The following PTPRG variants were observed in gnomAD, a reference collection of about 807,000 sequenced individuals.
PTPRG encodes the protein receptor-type tyrosine-protein phosphatase gamma.
Under a neutral mutation model 165.3 loss-of-function variants are expected in PTPRG, and 102 were observed. The ratio of observed to expected loss-of-function variants is 0.62; its 90% CI spans 0.53 to 0.73. PTPRG has a LOEUF of 0.73. Ranked by LOEUF, PTPRG falls within the 30% of genes least tolerant of loss-of-function variation. PTPRG has a pLI of 0.00. For synonymous variants in PTPRG, 675 were observed against 669.5 expected, an observed-to-expected ratio of 1.01 and a Z score of -0.13; for missense variants, 1,866 against 1,861.4, an observed-to-expected ratio of 1.00 and a Z score of -0.05.
chr3:61,659,593 G>A, intron 1 of PTPRG: 2 of 403,366 alleles, frequency 5.0e-6, no homozygotes. Context: ...TTCCTTCTCT[G>A]AAGAGTGTAT....
chr3:61,730,908 A>G (rs942214081), intron 1 of PTPRG, among the ~76,000 whole-genome samples: 2 of 152,260 alleles, frequency 1.3e-5, no homozygotes, highest in South Asian at 2.1e-4. Context: ...AGGTTACAAC[A>G]TTGATTCATT....
At chr3:61,902,450 A>G (rs182459374) in intron 2 of PTPRG, among the ~76,000 whole-genome samples, 27 of 152,316 alleles carry the variant, frequency 1.8e-4, no homozygotes, top group African/African-American at 6.3e-4. Context: ...ATTAAGATTC[A>G]TCAAATGGAA....
intron 5 of PTPRG, among the ~76,000 whole-genome samples, chr3:62,125,198 T>C (rs1029778237): frequency 6.6e-5 from 10 of 152,238 alleles, no homozygotes; most frequent in African/African-American, 2.4e-4. Context: ...TTACATGGTC[T>C]TCCCCCGTTC....
chr3:61,844,703 A>G (rs553490090), intron 2 of PTPRG, among the ~76,000 whole-genome samples: 13 of 150,172 alleles, frequency 8.7e-5, no homozygotes, highest in African/African-American at 2.7e-4. Flanking sequence ...GTATCTTGCT[A>G]TATTGAACAG....
chr3:62,277,136 T>C, intron 25 of PTPRG, 88 bp downstream of exon 25: 8 of 1,004,340 alleles, frequency 8.0e-6, no homozygotes, highest in South Asian at 4.4e-5. Flanking sequence ...GATGTCATTT[T>C]TGAAATAATT....
chr3:61,727,650 T>C (rs2106817906), intron 1 of PTPRG, among the ~76,000 whole-genome samples: 1 of 152,314 alleles, frequency 6.6e-6, no homozygotes, highest in Admixed American at 6.5e-5. Flanking sequence ...TCCTACAGGG[T>C]AATACAACTG....
chr3:61,945,433 C>T (rs1477361733), intron 2 of PTPRG, among the ~76,000 whole-genome samples: 1 of 151,824 alleles, frequency 6.6e-6, no homozygotes, highest in African/African-American at 2.4e-5. Context: ...ATGGTAGGCG[C>T]CTATAATCCC....
At chr3:62,069,129 G>A (rs925659437) in intron 4 of PTPRG, among the ~76,000 whole-genome samples, 1 of 152,144 alleles carries the variant, frequency 6.6e-6, no homozygotes, top group Admixed American at 6.5e-5. Flanking sequence ...ATCCCTTCTG[G>A]TCATGAAGAA....
At chr3:62,227,456 T>TTA (rs1700788523) in intron 13 of PTPRG, among the ~76,000 whole-genome samples, 1 of 152,222 alleles carries the variant, frequency 6.6e-6, no homozygotes, top group South Asian at 2.1e-4. Flanking sequence ...ACACCTTATG[T>TTA]TATTTAATCC....
intron 2 of PTPRG, among the ~76,000 whole-genome samples, chr3:61,939,250 G>A (rs1387096709): frequency 6.6e-6 from 1 of 152,132 alleles, no homozygotes; most frequent in Non-Finnish European, 1.5e-5. Flanking sequence ...CTCACACGAG[G>A]TTTGCAAAGC....
intron 1 of PTPRG, among the ~76,000 whole-genome samples, chr3:61,665,974 C>T (rs1394339841): frequency 8.1e-6 from 1 of 122,708 alleles, no homozygotes; most frequent in African/African-American, 2.9e-5. Flanking sequence ...GCTCTTAACG[C>T]CTTTTTACTT....
intron 4 of PTPRG, among the ~76,000 whole-genome samples, chr3:62,047,810 G>A (rs1700345005): frequency 6.6e-6 from 1 of 152,092 alleles, no homozygotes; most frequent in Non-Finnish European, 1.5e-5. Context: ...GTTCATAAAT[G>A]CAATCAGCTT....
intron 1 of PTPRG, among the ~76,000 whole-genome samples, chr3:61,594,032 T>C (rs1256177912): frequency 6.6e-6 from 1 of 152,186 alleles, no homozygotes; most frequent in Non-Finnish European, 1.5e-5. Context: ...TCGTAATGAA[T>C]GTGTATTGAT....
chr3:62,241,150 AGAT>A lies in PTPRG; in HGVS notation c.2376-2653_2376-2651del, dbSNP rs1402601821. Among the ~76,000 whole-genome samples, 5 of 152,260 alleles carry A rather than the reference AGAT, an allele frequency of 3.3e-5. 1 individual carries two copies. The East Asian group carries it at 9.7e-4, about 29-fold the overall frequency. ...TTTGTCTTGCCTAATTTTTCTGCAA[AGAT>A]GATCTGTTGCTTATATAATACTTTA... On this transcript the variant is annotated intron_variant, in intron 14 of 29. Transcript: ENST00000474889.
chr3:62,291,970 C>T (rs998722371), intron 28 of PTPRG, among the ~76,000 whole-genome samples: 2 of 151,996 alleles, frequency 1.3e-5, no homozygotes, highest in Admixed American at 6.6e-5. Context: ...CATATAATTC[C>T]ATTTTTAAAT....
chr3:61,880,855 T>C (rs1353465224), intron 2 of PTPRG, among the ~76,000 whole-genome samples: 2 of 151,898 alleles, frequency 1.3e-5, no homozygotes, highest in Admixed American at 1.3e-4. Context: ...GTAGTGGGAG[T>C]TGGAGTCATA....
At chr3:61,933,979 G>A (rs1325365025) in intron 2 of PTPRG, among the ~76,000 whole-genome samples, 1 of 152,172 alleles carries the variant, frequency 6.6e-6, no homozygotes, top group African/African-American at 2.4e-5. Flanking sequence ...TGTGGGTCAG[G>A]CAGGCTCATG....
rs923357104 is a variant in PTPRG, at chr3:62,224,370, T to C, written c.2288+5387T>C. The stretch of plus-strand genomic sequence containing the variant: ...CGCCCTCCTCCACCAGTGGTTTCTC[T>C]TTCTGGAACACATATCTCCCAAACT... On this transcript the variant is annotated intron_variant, in intron 13 of 29. Transcript: ENST00000474889. The surrounding 1 kb of genome is among the most constrained non-coding windows in gnomAD (Gnocchi z 4.9). Among the ~76,000 whole-genome samples, 1 of 152,198 alleles carries C rather than the reference T, an allele frequency of 6.6e-6. No homozygotes were observed. The highest frequency in any genetic ancestry group is 1.5e-5 in the Non-Finnish European group (1 of 68,028).
intron 4 of PTPRG, among the ~76,000 whole-genome samples, chr3:62,059,321 C>T (rs1302650923): frequency 6.6e-6 from 1 of 152,172 alleles, no homozygotes; most frequent in East Asian, 1.9e-4. Flanking sequence ...TTCCATTCCC[C>T]TACTAGCAGT....
Sources: allele counts gnomAD v4.1 joint callset (sites outside exome capture counted in the v4.1 genomes callset), GRCh38; gene constraint gnomAD v4.1.1; non-coding constraint Gnocchi (gnomAD v3.1); transcripts MANE v1.5; gene names NCBI Gene and HGNC (gene_info 2026-07-23, HGNC 2026-07-21).